The following TFCP2L1 variants were observed in gnomAD, a reference collection of about 807,000 sequenced individuals.
TFCP2L1 encodes the protein transcription factor CP2-like protein 1.
Under a neutral mutation model 72.2 loss-of-function variants are expected in TFCP2L1, and 12 were observed. That is an observed-to-expected ratio of 0.17 (90% confidence interval 0.11 to 0.27). The LOEUF (loss-of-function observed/expected upper bound fraction) is 0.27. Ranked by LOEUF, TFCP2L1 falls within the 10% of genes least tolerant of loss-of-function variation. TFCP2L1 has a pLI of 1.00. For missense variants in TFCP2L1, 488 were observed against 624.6 expected, an observed-to-expected ratio of 0.78 and a Z score of 2.33; for synonymous variants, 260 against 251.0, an observed-to-expected ratio of 1.04 and a Z score of -0.34.
At chr2:121,268,204 A>G (rs1686971522) in intron 2 of TFCP2L1, among the ~76,000 whole-genome samples, 1 of 152,236 alleles carries the variant, frequency 6.6e-6, no homozygotes, top group African/African-American at 2.4e-5. Flanking sequence ...AAATTACGGA[A>G]TTCACAAATT....
intron 13 of TFCP2L1, among the ~76,000 whole-genome samples, chr2:121,230,267 G>A (rs1024261999): frequency 5.9e-5 from 9 of 152,114 alleles, no homozygotes; most frequent in African/African-American, 1.4e-4. Context: ...TGCCTCCCAG[G>A]TTCAAGCGAT....
At chr2:121,237,354 C>T (rs1292384454) in intron 10 of TFCP2L1, among the ~76,000 whole-genome samples, 1 of 152,180 alleles carries the variant, frequency 6.6e-6, no homozygotes, top group African/African-American at 2.4e-5. Flanking sequence ...CAGAGCCCAC[C>T]AACCCCCCGC....
rs1227809260 is a variant in TFCP2L1, at chr2:121,217,137, T to C, written c.*7204A>G. On this transcript the variant is annotated 3_prime_UTR_variant, in exon 15 of 15. Coordinates refer to ENST00000263707, the MANE Select transcript of TFCP2L1 (RefSeq NM_014553.3). The stretch of plus-strand genomic sequence containing the variant: ...GGACTGGACACCAGGAAGCTCAACC[T>C]GGCTCGGGCCATCAGTAGCTGTGGG... 6.6e-6 allele frequency: 1 copy of C among 152,298 alleles called. No homozygotes were observed. Among genetic ancestry groups the C allele is most frequent in the Non-Finnish European group, 1.5e-5 (1 of 68,064 alleles). 9.4% of individuals were successfully genotyped at this position (152,298 alleles called of 1,614,324 possible).
rs537284021 is a variant in TFCP2L1 at position 121,225,427 on chromosome 2, T to C, written c.1393+135A>G. On this transcript the variant is annotated intron_variant, in intron 14 of 14. Coordinates refer to ENST00000263707, the MANE Select transcript of TFCP2L1 (RefSeq NM_014553.3). ...GTTCTGCCATTTCTAGGGCTAGCTT[T>C]CACGGAGAGTTTGTGCTTTCTTTTT... 270 of 837,538 alleles carry C rather than the reference T, an allele frequency of 3.2e-4. No homozygotes were observed. The African/African-American group carries it at 4.0e-3, about 12-fold the overall frequency. 51.9% of individuals were successfully genotyped at this position (837,538 alleles called of 1,614,324 possible). A position where few individuals can be genotyped will look rare whatever the true frequency, so the allele number is the denominator to read the frequency against.
chr2:121,230,433 A>G (rs1686117831), intron 13 of TFCP2L1, among the ~76,000 whole-genome samples: 2 of 152,028 alleles, frequency 1.3e-5, no homozygotes, highest in Non-Finnish European at 2.9e-5. Flanking sequence ...CGGCCTCCCA[A>G]AGTGCTGGGA....
intron 2 of TFCP2L1, among the ~76,000 whole-genome samples, chr2:121,278,029 C>CTTT (rs530823906): frequency 1.6e-5 from 2 of 122,752 alleles, no homozygotes; most frequent in Non-Finnish European, 3.4e-5. Context: ...CTTTTTCTCT[C>CTTT]TTTTTTTTTT....
chr2:121,240,509 G>A (rs547638942), intron 7 of TFCP2L1: 4 of 985,420 alleles, frequency 4.1e-6, no homozygotes, highest in Admixed American at 1.2e-4. Flanking sequence ...GAATTTGTTG[G>A]TGCTAAATCC....
intron 2 of TFCP2L1, among the ~76,000 whole-genome samples, chr2:121,253,474 C>T (rs897912383): frequency 1.7e-4 from 26 of 152,250 alleles, no homozygotes; most frequent in African/African-American, 6.3e-4. Flanking sequence ...CTCACACACC[C>T]TAACTGGTTT....
chr2:121,269,987 GA>G (rs1298883586), intron 2 of TFCP2L1, among the ~76,000 whole-genome samples: 2 of 150,332 alleles, frequency 1.3e-5, no homozygotes, highest in African/African-American at 4.9e-5. Context: ...GAAAAAGTGG[GA>G]AAATATTTCC....
Position 121,246,614 on chromosome 2 carries a change from G to C in TFCP2L1, c.657+204C>G, listed in dbSNP as rs920800858. Among the ~76,000 whole-genome samples the C allele has an allele frequency of 2.0e-5, 3 of 152,236 alleles. No individual in the cohort carries two copies. In the East Asian group the frequency reaches 5.8e-4, roughly 29 times the overall value. On this transcript the variant is annotated intron_variant, in intron 6 of 14. Transcript: ENST00000263707. ...GCTGAGCGGGTGCCGCAGGTGAAAA[G>C]ATGCCCCCAGCAGGGCAGCAGCAGC...
At chr2:121,269,918 A>AAAAAAAAAAAAAAAAAAATAT in intron 2 of TFCP2L1, among the ~76,000 whole-genome samples, 48 of 115,126 alleles carry the variant, frequency 4.2e-4, no homozygotes, top group Non-Finnish European at 5.3e-4. Flanking sequence ...AAAAAAAAAA[A>AAAAAAAAAAAAAAAAAAATAT]ATATATATAT....
At chr2:121,243,415 T>C (rs1440127031) in intron 6 of TFCP2L1, among the ~76,000 whole-genome samples, 2 of 152,174 alleles carry the variant, frequency 1.3e-5, no homozygotes, top group African/African-American at 4.8e-5. Context: ...ACAGCAGTGG[T>C]CCTCAACCTC....
chr2:121,284,945 G>T, intron 1 of TFCP2L1, 103 bp downstream of exon 1: 1 of 1,054,480 alleles, frequency 9.5e-7, no homozygotes, highest in Non-Finnish European at 1.3e-6. Flanking sequence ...CAGCGGGGAG[G>T]CCAGGGCCCA....
At chr2:121,278,488 C>T (rs1402308057) in intron 2 of TFCP2L1, among the ~76,000 whole-genome samples, 1 of 150,148 alleles carries the variant, frequency 6.7e-6, no homozygotes, top group Non-Finnish European at 1.5e-5. Context: ...GAGTTTGAGA[C>T]CAGCCTGGCC....
At chr2:121,235,819 T>C (rs1686238223) in intron 10 of TFCP2L1, among the ~76,000 whole-genome samples, 1 of 151,830 alleles carries the variant, frequency 6.6e-6, no homozygotes, top group Non-Finnish European at 1.5e-5. Flanking sequence ...AGTATACAGC[T>C]CGCTGGATGC....
At chr2:121,274,252 A>T (rs113668474) in intron 2 of TFCP2L1, among the ~76,000 whole-genome samples, 182 of 152,226 alleles carry the variant, frequency 1.2e-3, no homozygotes, top group African/African-American at 4.0e-3. Flanking sequence ...AGATTTTCTA[A>T]ATATTTACAG....
At chr2:121,244,046 C>T (rs371403949) in intron 6 of TFCP2L1, among the ~76,000 whole-genome samples, 159 of 152,156 alleles carry the variant, frequency 1.0e-3, no homozygotes, top group Non-Finnish European at 1.9e-3. Flanking sequence ...TCCAGCGTCC[C>T]GGGTAAGAGT....
In TFCP2L1 at chr2:121,277,165, AATGT is replaced by A. The variant is rs200321394; in HGVS notation, c.214+3951_214+3954del. Among the ~76,000 whole-genome samples, 1,145 of 152,282 alleles carry A rather than the reference AATGT, an allele frequency of 7.5e-3. 23 individuals carry two copies. Among genetic ancestry groups the A allele is most frequent in the African/African-American group, 0.025 (1,059 of 41,556 alleles). On this transcript the variant is annotated intron_variant, in intron 2 of 14. Coordinates refer to ENST00000263707, the MANE Select transcript of TFCP2L1 (RefSeq NM_014553.3). ...AATAAACAAATTAAAAAGATCAATA[AATGT>A]ATTTTAAAATATCCAACTGCATTAA...
chr2:121,272,541 G>A (rs957895863), intron 2 of TFCP2L1, among the ~76,000 whole-genome samples: 8 of 152,184 alleles, frequency 5.3e-5, no homozygotes, highest in South Asian at 2.1e-4. Flanking sequence ...AGCTACCACC[G>A]TTTAACTCTA....
Sources: allele counts gnomAD v4.1 joint callset (sites outside exome capture counted in the v4.1 genomes callset), GRCh38; gene constraint gnomAD v4.1.1; transcripts MANE v1.5; gene names NCBI Gene and HGNC (gene_info 2026-07-23, HGNC 2026-07-21).